The following UVRAG variants were observed in gnomAD, a reference collection of about 807,000 sequenced individuals.
The protein encoded by UVRAG is UV radiation resistance-associated gene protein.
In UVRAG, 19 loss-of-function variants were observed where a neutral mutation model predicts 78.0. The observed-to-expected ratio is 0.24, with a 90% CI of 0.17 to 0.36. The LOEUF is 0.36. Among genes scored for constraint, UVRAG ranks in the 10% least tolerant of loss-of-function variants. The pLI, the probability that UVRAG is intolerant of heterozygous loss-of-function variation, is 1.00. For synonymous variants in UVRAG, 323 were observed against 324.6 expected (o/e 1.00, Z 0.05); for missense variants, 740 against 853.8 (o/e 0.87, Z 1.66).
chr11:76,005,512 A>T (rs1183227985), intron 9 of UVRAG, among the ~76,000 whole-genome samples: 1 of 152,202 alleles, frequency 6.6e-6, no homozygotes, highest in Non-Finnish European at 1.5e-5. Flanking sequence ...TAACTAAAAA[A>T]CCAGTGATTT....
At chr11:76,075,593 T>C (rs1351132795) in intron 13 of UVRAG, among the ~76,000 whole-genome samples, 1 of 150,686 alleles carries the variant, frequency 6.6e-6, no homozygotes, top group Non-Finnish European at 1.5e-5. Flanking sequence ...GCCTAGGCAA[T>C]AGAACAAGAC....
chr11:76,020,619 C>G (rs1056905554), intron 12 of UVRAG, among the ~76,000 whole-genome samples: 2 of 150,088 alleles, frequency 1.3e-5, no homozygotes, highest in African/African-American at 4.9e-5. Flanking sequence ...GACAAAGTCT[C>G]CCTTCTCCCA....
chr11:76,109,688 G>C (rs373828505), intron 13 of UVRAG, among the ~76,000 whole-genome samples: 1 of 152,182 alleles, frequency 6.6e-6, no homozygotes, highest in Non-Finnish European at 1.5e-5. Flanking sequence ...TGAATAGAAC[G>C]TGTGGAGACT....
At chr11:75,921,195 C>T (rs1013259536) in intron 6 of UVRAG, among the ~76,000 whole-genome samples, 4 of 152,164 alleles carry the variant, frequency 2.6e-5, no homozygotes, top group African/African-American at 7.2e-5. Flanking sequence ...TGGCATTACT[C>T]CTTACCCTGA....
intron 6 of UVRAG, among the ~76,000 whole-genome samples, chr11:75,949,290 A>G (rs1948639551): frequency 1.3e-5 from 2 of 151,784 alleles, no homozygotes; most frequent in Admixed American, 6.6e-5. Context: ...CTGGTTCACA[A>G]TTTTTTGCAG....
intron 1 of UVRAG, among the ~76,000 whole-genome samples, chr11:75,816,962 GACT>G (rs538211473): frequency 9.8e-5 from 15 of 152,322 alleles, no homozygotes; most frequent in African/African-American, 3.6e-4. Flanking sequence ...CTTTTTGTGT[GACT>G]ACTACCGAAG....
intron 13 of UVRAG, among the ~76,000 whole-genome samples, chr11:76,089,745 T>A (rs887351980): frequency 1.3e-5 from 2 of 152,190 alleles, no homozygotes; most frequent in Admixed American, 6.5e-5. Flanking sequence ...TCTAAATAAT[T>A]TGATAATGTT....
chr11:75,826,318 C>G (rs1945510463), intron 1 of UVRAG, among the ~76,000 whole-genome samples: 1 of 151,698 alleles, frequency 6.6e-6, no homozygotes, highest in African/African-American at 2.4e-5. Flanking sequence ...ACCACACCCA[C>G]CTAATTTTTT....
intron 7 of UVRAG, among the ~76,000 whole-genome samples, chr11:75,968,638 C>T (rs1949069198): frequency 6.6e-6 from 1 of 152,178 alleles, no homozygotes; most frequent in Admixed American, 6.5e-5. Context: ...ATCTAGAAAA[C>T]ATATCTCAGT....
chr11:75,942,710 A>G (rs1335415724), intron 6 of UVRAG, among the ~76,000 whole-genome samples: 1 of 152,140 alleles, frequency 6.6e-6, no homozygotes, highest in African/African-American at 2.4e-5. Flanking sequence ...ATCAGACACA[A>G]TACAGGAGGG....
chr11:75,907,489 TATTA>T (rs1350760799), intron 5 of UVRAG, among the ~76,000 whole-genome samples: 1 of 151,962 alleles, frequency 6.6e-6, no homozygotes, highest in Non-Finnish European at 1.5e-5. Flanking sequence ...TGTTGTGGTG[TATTA>T]CACTGATCCT....
intron 1 of UVRAG, among the ~76,000 whole-genome samples, chr11:75,830,607 G>T (rs909683396): frequency 1.3e-5 from 2 of 152,118 alleles, no homozygotes; most frequent in Non-Finnish European, 2.9e-5. Context: ...AAGAAGACTT[G>T]TTATAAGGCT....
chr11:76,083,309 AT>A (rs904816307), intron 13 of UVRAG, among the ~76,000 whole-genome samples: 10 of 151,516 alleles, frequency 6.6e-5, no homozygotes, highest in East Asian at 3.9e-4. Flanking sequence ...CATTTTTGGT[AT>A]TTTTTTTTCT....
intron 14 of UVRAG, among the ~76,000 whole-genome samples, chr11:76,125,857 C>A (rs908850973): frequency 1.3e-5 from 2 of 151,804 alleles, no homozygotes; most frequent in African/African-American, 4.8e-5. Context: ...CCTTGTATTT[C>A]TTTTCTAATT....
At chr11:75,950,963 T>TATAC (rs1555093842) in intron 6 of UVRAG, among the ~76,000 whole-genome samples, 2 of 139,954 alleles carry the variant, frequency 1.4e-5, no homozygotes, top group African/African-American at 5.3e-5. Context: ...TTGTCAGGTG[T>TATAC]ACACACACAC....
Position 75,815,636 on chromosome 11 carries a change from A to C in UVRAG, c.117+112A>C, listed in dbSNP as rs1453834560. The C allele has an allele frequency of 2.0e-5, 12 of 611,116 alleles. No individual in the cohort carries two copies. The East Asian group carries it at 4.2e-4, about 21-fold the overall frequency. The allele number at this position is 611,116 out of a possible 1,614,324, so 37.9% of individuals were successfully genotyped here. A position where few individuals can be genotyped will look rare whatever the true frequency, so the allele number is the denominator to read the frequency against. On this transcript the variant is annotated intron_variant, in intron 1 of 14. Coordinates refer to ENST00000356136, the MANE Select transcript of UVRAG (RefSeq NM_003369.4). ...CGGGACACCCAGAGCAGGGACCCGG[A>C]GGGCTCGCGGGACTGAGGAAGACTG... is the stretch of plus-strand genomic sequence containing the variant.
chr11:76,142,860 A>G lies in UVRAG; in HGVS notation c.*1447A>G, dbSNP rs1952747307. Reference sequence around the variant, plus strand: ...CACATTTGTCCTGCATAACAGCTTCACTCACAGGCCTCACCGTCACTTTAT... The same window carrying G: ...CACATTTGTCCTGCATAACAGCTTCGCTCACAGGCCTCACCGTCACTTTAT... On this transcript the variant is annotated 3_prime_UTR_variant, in exon 15 of 15. Transcript: ENST00000356136. 6.6e-6 allele frequency: 1 copy of G among 152,342 alleles called. No individual in the cohort carries two copies. Among genetic ancestry groups the G allele is most frequent in the African/African-American group, 2.4e-5 (1 of 41,426 alleles). 9.4% of individuals were successfully genotyped at this position (152,342 alleles called of 1,614,324 possible).
At chr11:76,058,593 A>T (rs1014345671) in intron 12 of UVRAG, among the ~76,000 whole-genome samples, 16 of 152,048 alleles carry the variant, frequency 1.1e-4, no homozygotes, top group Non-Finnish European at 2.1e-4. Flanking sequence ...AATTTTGGTC[A>T]CTTCTTTAAA....
chr11:76,041,766 G>A (rs554430151), intron 12 of UVRAG, among the ~76,000 whole-genome samples: 4 of 152,128 alleles, frequency 2.6e-5, no homozygotes, highest in Non-Finnish European at 5.9e-5. Flanking sequence ...AATTACAGTG[G>A]ATATAAACAG....
Sources: gnomAD v4.1 joint callset for allele counts (sites outside exome capture counted in the v4.1 genomes callset) on GRCh38, gnomAD v4.1.1 for gene constraint, MANE v1.5 for transcripts, NCBI Gene and HGNC (gene_info 2026-07-23, HGNC 2026-07-21) for gene names.